The following CUL1 variants were observed in gnomAD, a reference collection of about 807,000 sequenced individuals.
CUL1 encodes cullin-1.
Under a neutral mutation model 118.0 loss-of-function variants are expected in CUL1, and 24 were observed. The ratio of observed to expected loss-of-function variants is 0.20; its 90% CI spans 0.15 to 0.29. The LOEUF (loss-of-function observed/expected upper bound fraction) is 0.29. Ranked by LOEUF, CUL1 falls within the 10% of genes least tolerant of loss-of-function variation. CUL1 has a pLI of 1.00. For synonymous variants in CUL1, 332 were observed against 340.4 expected, an observed-to-expected ratio of 0.98 and a Z score of 0.27; for missense variants, 361 against 933.8, an observed-to-expected ratio of 0.39 and a Z score of 7.99.
rs536499607 is a variant in CUL1, at chr7:148,712,755, C to T, written c.-162+13726C>T. Among the ~76,000 whole-genome samples the T allele has an allele frequency of 3.9e-5, 6 of 152,254 alleles. No individual in the cohort carries two copies. The South Asian group carries it at 8.3e-4, about 21-fold the overall frequency. On this transcript the variant is annotated intron_variant, in intron 1 of 21. Coordinates refer to ENST00000325222, the MANE Select transcript of CUL1 (RefSeq NM_003592.3). The stretch of plus-strand genomic sequence containing the variant: ...TCTAGTACAGATGATGAAATACAGG[C>T]GCAGAAGTTAAGGAATCTGACCAAG...
chr7:148,792,322 G>A (rs1056865185), intron 16 of CUL1, among the ~76,000 whole-genome samples: 3 of 151,974 alleles, frequency 2.0e-5, no homozygotes, highest in Non-Finnish European at 2.9e-5. Flanking sequence ...CATCAATAAT[G>A]TGCCAAAAGA....
At chr7:148,717,988 G>C (rs901235287) in intron 1 of CUL1, among the ~76,000 whole-genome samples, 1 of 152,188 alleles carries the variant, frequency 6.6e-6, no homozygotes, top group Non-Finnish European at 1.5e-5. Flanking sequence ...ATTGTTGCAG[G>C]GGAGTATAAA....
At chr7:148,776,129 C>G (rs1800385504) in intron 9 of CUL1, among the ~76,000 whole-genome samples, 1 of 151,808 alleles carries the variant, frequency 6.6e-6, no homozygotes, top group Non-Finnish European at 1.5e-5. Flanking sequence ...TTTGAAACAA[C>G]TACACCTCTA....
At chr7:148,709,315 T>C (rs1295345244) in intron 1 of CUL1, among the ~76,000 whole-genome samples, 2 of 152,214 alleles carry the variant, frequency 1.3e-5, no homozygotes, top group African/African-American at 4.8e-5. Context: ...AAAGTGTGCA[T>C]CTCTTTATTC....
intron 1 of CUL1, among the ~76,000 whole-genome samples, chr7:148,710,518 G>A (rs1174699073): frequency 3.3e-5 from 5 of 152,170 alleles, no homozygotes; most frequent in Non-Finnish European, 5.9e-5. Flanking sequence ...GTGGCGAGCC[G>A]AGATCACGCC....
intron 7 of CUL1, 85 bp from the exon 8 acceptor site, chr7:148,766,476 A>T: frequency 8.6e-7 from 1 of 1,162,510 alleles, no homozygotes; most frequent in South Asian, 1.8e-5. Flanking sequence ...GCCATTTTTC[A>T]GTTTCCTTTA....
At chr7:148,740,114 G>A (rs1051041923) in intron 2 of CUL1, among the ~76,000 whole-genome samples, 2 of 150,780 alleles carry the variant, frequency 1.3e-5, no homozygotes, top group African/African-American at 2.4e-5. Flanking sequence ...GTGCAATGGC[G>A]CAACCTTGGC....
At chr7:148,744,197 C>T (rs1465582788) in intron 2 of CUL1, among the ~76,000 whole-genome samples, 1 of 152,002 alleles carries the variant, frequency 6.6e-6, no homozygotes, top group African/African-American at 2.4e-5. Context: ...CTGCTTTGCC[C>T]CTTCTGACCA....
intron 20 of CUL1, among the ~76,000 whole-genome samples, 177 bp from the exon 21 acceptor site, chr7:148,799,098 C>T (rs1301397088): frequency 6.6e-6 from 1 of 152,060 alleles, no homozygotes; most frequent in East Asian, 1.9e-4. Flanking sequence ...AGAGTTGAAA[C>T]ATAGGCAGGT....
chr7:148,782,452 T>C (rs1017586159), intron 9 of CUL1, among the ~76,000 whole-genome samples: 2 of 152,232 alleles, frequency 1.3e-5, no homozygotes, highest in South Asian at 4.1e-4. Context: ...AAGATGGTAA[T>C]TTTAAAATAT....
At chr7:148,753,950 G>A (rs1408437942) in intron 2 of CUL1, 26 bp from the exon 3 acceptor site, 1 of 1,549,478 alleles carries the variant, frequency 6.5e-7, no homozygotes, top group East Asian at 2.3e-5. Flanking sequence ...TGTGATATAT[G>A]TTGGTTTCCT....
Position 148,766,653 on chromosome 7 carries a change from C to A in CUL1, c.882C>A (p.Val294=). 4.3e-6 allele frequency: 7 copies of A among 1,613,160 alleles called. No individual in the cohort carries two copies. The highest frequency in any genetic ancestry group is 5.9e-6 in the Non-Finnish European group (7 of 1,179,378). Residue 294 remains valine, a synonymous_variant, in exon 8 of 22, where the codon GTC becomes GTA. Coordinates refer to ENST00000325222, the MANE Select transcript of CUL1 (RefSeq NM_003592.3). ...QDELARKCEQ[V]LIEKHLEIFH... ...AATTAGCAAGGAAATGTGAACAAGTCCTCATTGAAAAACACTTGGAAATTT... is the reference window on the plus strand; with the variant it reads ...AATTAGCAAGGAAATGTGAACAAGTACTCATTGAAAAACACTTGGAAATTT...
intron 2 of CUL1, among the ~76,000 whole-genome samples, chr7:148,745,717 A>G (rs371421250): frequency 1.3e-5 from 2 of 152,232 alleles, no homozygotes; most frequent in African/African-American, 4.8e-5. Flanking sequence ...TCAAAGAACA[A>G]AACAAGCATA....
At chr7:148,763,441 T>C (rs1224181249) in intron 7 of CUL1, among the ~76,000 whole-genome samples, 1 of 152,184 alleles carries the variant, frequency 6.6e-6, no homozygotes, top group African/African-American at 2.4e-5. Flanking sequence ...TCTGCTCTCA[T>C]CCTATAGCCT....
At chr7:148,789,189 T>C (rs1260134462) in intron 14 of CUL1, among the ~76,000 whole-genome samples, 1 of 152,168 alleles carries the variant, frequency 6.6e-6, no homozygotes, top group Non-Finnish European at 1.5e-5. Flanking sequence ...AAATGAAAAA[T>C]GGAGAATTTT....
At chr7:148,733,873 G>A (rs1041361036) in intron 2 of CUL1, among the ~76,000 whole-genome samples, 6 of 152,162 alleles carry the variant, frequency 3.9e-5, no homozygotes, top group Admixed American at 2.6e-4. Context: ...TTTAGAAAAA[G>A]CAACTACTTC....
At chr7:148,725,211 ACGCGCGCG>A (rs1186553527) in intron 1 of CUL1, among the ~76,000 whole-genome samples, 2,663 of 143,320 alleles carry the variant, frequency 0.019, 82 homozygotes, top group African/African-American at 0.073. Context: ...ACACACACAC[ACGCGCGCG>A]CTCACACACA....
chr7:148,747,811 A>C (rs1348020229), intron 2 of CUL1, among the ~76,000 whole-genome samples: 1 of 152,252 alleles, frequency 6.6e-6, no homozygotes, highest in East Asian at 1.9e-4. Flanking sequence ...CCAAAAGAGA[A>C]TCACTTAACC....
chr7:148,788,055 G>A (rs1158869561), intron 13 of CUL1, among the ~76,000 whole-genome samples: 3 of 152,154 alleles, frequency 2.0e-5, no homozygotes, highest in African/African-American at 7.2e-5. Context: ...CTGCTTTGTA[G>A]GCAGCCACCT....
Sources: gnomAD v4.1 joint callset for allele counts (sites outside exome capture counted in the v4.1 genomes callset) on GRCh38, gnomAD v4.1.1 for gene constraint, MANE v1.5 for transcripts, NCBI Gene and HGNC (gene_info 2026-07-23, HGNC 2026-07-21) for gene names.